Variants in ARHGEF28 observed in about 807,000 individuals in gnomAD.
The protein encoded by ARHGEF28 is 190 kDa guanine nucleotide exchange factor.
A neutral mutation model predicts 206.6 loss-of-function variants in ARHGEF28; 152 were observed. The observed-to-expected ratio is 0.74, with a 90% CI of 0.64 to 0.84. The LOEUF is 0.84. Among genes scored for constraint, ARHGEF28 ranks in the 40% least tolerant of loss-of-function variants. ARHGEF28 has a pLI of 0.00. For synonymous variants in ARHGEF28, 763 were observed against 776.4 expected, an observed-to-expected ratio of 0.98 and a Z score of 0.29; for missense variants, 2,028 against 2,073.2, an observed-to-expected ratio of 0.98 and a Z score of 0.42.
rs776140104 is a variant in ARHGEF28, at chr5:73,884,702, C to T, written c.3055+818C>T. Among the ~76,000 whole-genome samples, 6 of 152,102 alleles carry T rather than the reference C, an allele frequency of 3.9e-5. No individual in the cohort carries two copies. In the East Asian group the frequency reaches 1.2e-3, roughly 29 times the overall value. On this transcript the variant is annotated intron_variant, in intron 24 of 35. Coordinates refer to ENST00000513042, the MANE Select transcript of ARHGEF28 (RefSeq NM_001177693.2). ...AACTGAGCCTCAGTTATCTCCACTA[C>T]GAAATGACATGAAACATTACCTTTC...
At chr5:73,832,634 A>T (rs553904513) in intron 10 of ARHGEF28, among the ~76,000 whole-genome samples, 175 bp downstream of exon 10, 1 of 152,322 alleles carries the variant, frequency 6.6e-6, no homozygotes, top group South Asian at 2.1e-4. Flanking sequence ...TTAGGTGCTT[A>T]CTTCAGAACA....
chr5:73,699,896 T>C (rs1328111483), intron 2 of ARHGEF28, among the ~76,000 whole-genome samples: 3 of 152,196 alleles, frequency 2.0e-5, no homozygotes, highest in Admixed American at 6.5e-5. Context: ...AGTCATAAAT[T>C]AGATTTAAAA....
intron 1 of ARHGEF28, among the ~76,000 whole-genome samples, chr5:73,633,056 C>T (rs977269342): frequency 2.0e-5 from 3 of 151,890 alleles, no homozygotes; most frequent in African/African-American, 7.3e-5. Flanking sequence ...ATTAGAGTCT[C>T]ATAAGAAGTC....
chr5:73,800,833 A>C (rs2112496876), intron 9 of ARHGEF28, among the ~76,000 whole-genome samples: 1 of 152,280 alleles, frequency 6.6e-6, no homozygotes, highest in East Asian at 1.9e-4. Flanking sequence ...AAACATTGGG[A>C]AAAGGGAACT....
At chr5:73,905,988 G>C (rs10473963) in intron 33 of ARHGEF28, among the ~76,000 whole-genome samples, 404 of 152,118 alleles carry the variant, frequency 2.7e-3, no homozygotes, top group Non-Finnish European at 4.3e-3. Flanking sequence ...TTCATATCTT[G>C]TTGAATTTAA....
At chr5:73,688,654 G>A (rs1747618492) in intron 2 of ARHGEF28, among the ~76,000 whole-genome samples, 1 of 152,056 alleles carries the variant, frequency 6.6e-6, no homozygotes, top group African/African-American at 2.4e-5. Context: ...GAGGAGGGTT[G>A]CATTCTGGAA....
intron 18 of ARHGEF28, among the ~76,000 whole-genome samples, chr5:73,867,176 G>A (rs186612847): frequency 5.3e-5 from 8 of 152,274 alleles, no homozygotes; most frequent in Admixed American, 2.6e-4. Flanking sequence ...ACTTATGCAC[G>A]TGTAAAATGC....
chr5:73,870,579 A>C (rs1415491790), intron 21 of ARHGEF28, among the ~76,000 whole-genome samples: 2 of 152,230 alleles, frequency 1.3e-5, no homozygotes, highest in Non-Finnish European at 2.9e-5. Context: ...TAAGAATTGC[A>C]GTGAACCTTC....
Position 73,911,268 on chromosome 5 carries a change from T to C in ARHGEF28, c.4648-7T>C, listed in dbSNP as rs182527008. 50 of 1,571,220 alleles carry C rather than the reference T, an allele frequency of 3.2e-5. No homozygotes were observed. The highest frequency in any genetic ancestry group is 3.9e-5 in the Non-Finnish European group (45 of 1,155,014). On this transcript the variant is annotated splice_polypyrimidine_tract_variant and splice_region_variant and intron_variant, in intron 34 of 35. Coordinates refer to ENST00000513042, the MANE Select transcript of ARHGEF28 (RefSeq NM_001177693.2). ...TTATTGTACTTTTCCTCTGTTTCTT[T>C]ACACAGGTAATGGAACTTAATCGAT... is the stretch of plus-strand genomic sequence containing the variant.
At chr5:73,691,108 T>G (rs1420185060) in intron 2 of ARHGEF28, among the ~76,000 whole-genome samples, 2 of 152,076 alleles carry the variant, frequency 1.3e-5, no homozygotes, top group Non-Finnish European at 2.9e-5. Flanking sequence ...TTTTGTATTT[T>G]TTGTAGAGAT....
At chr5:73,754,079 A>C (rs1053006497) in intron 4 of ARHGEF28, among the ~76,000 whole-genome samples, 1 of 152,018 alleles carries the variant, frequency 6.6e-6, no homozygotes, top group Non-Finnish European at 1.5e-5. Context: ...TTTTTTTGCT[A>C]TCCTTCCTGT....
chr5:73,931,401 G>T (rs1764106885), intron 35 of ARHGEF28, among the ~76,000 whole-genome samples: 2 of 152,018 alleles, frequency 1.3e-5, no homozygotes, highest in South Asian at 4.2e-4. Flanking sequence ...TCAGTTCTGG[G>T]AGATATTCTA....
intron 2 of ARHGEF28, among the ~76,000 whole-genome samples, chr5:73,715,153 A>G (rs143803197): frequency 6.6e-6 from 1 of 152,338 alleles, no homozygotes; most frequent in Non-Finnish European, 1.5e-5. Context: ...AAAATAAAGT[A>G]ATTGCGAGGT....
At chr5:73,825,605 A>G (rs943910958) in intron 9 of ARHGEF28, among the ~76,000 whole-genome samples, 4 of 152,202 alleles carry the variant, frequency 2.6e-5, no homozygotes, top group African/African-American at 9.7e-5. Flanking sequence ...CGAAAAGGCT[A>G]TGGAGGGCCA....
chr5:73,656,420 A>G (rs1745204800), intron 1 of ARHGEF28, among the ~76,000 whole-genome samples: 1 of 152,118 alleles, frequency 6.6e-6, no homozygotes, highest in Non-Finnish European at 1.5e-5. Context: ...TGGCAATTTC[A>G]TTATTTTCTC....
intron 2 of ARHGEF28, among the ~76,000 whole-genome samples, chr5:73,714,938 G>A (rs113426514): frequency 1.1e-4 from 16 of 152,158 alleles, no homozygotes; most frequent in African/African-American, 3.6e-4. Context: ...TAAAACTTCA[G>A]CAAGACACGA....
intron 2 of ARHGEF28, among the ~76,000 whole-genome samples, chr5:73,744,423 A>G (rs1416617565): frequency 6.6e-6 from 1 of 152,054 alleles, no homozygotes; most frequent in Non-Finnish European, 1.5e-5. Context: ...TAGTACCTAT[A>G]GTTGTATTTA....
chr5:73,626,578 G>T (rs1743024584), intron 1 of ARHGEF28, among the ~76,000 whole-genome samples: 1 of 152,162 alleles, frequency 6.6e-6, no homozygotes, highest in Non-Finnish European at 1.5e-5. Flanking sequence ...GGAGCGCGGG[G>T]TCGCTCGGGC....
chr5:73,660,703 T>C (rs1745543027), intron 1 of ARHGEF28, among the ~76,000 whole-genome samples: 1 of 152,244 alleles, frequency 6.6e-6, no homozygotes, highest in African/African-American at 2.4e-5. Context: ...TTAATCTCCT[T>C]GTACATCTCC....
Sources: gnomAD v4.1 joint callset for allele counts (sites outside exome capture counted in the v4.1 genomes callset) on GRCh38, gnomAD v4.1.1 for gene constraint, MANE v1.5 for transcripts, NCBI Gene and HGNC (gene_info 2026-07-23, HGNC 2026-07-21) for gene names.